DCDC1: variants seen among roughly 807,000 people sequenced by gnomAD.
The protein encoded by DCDC1 is doublecortin domain containing 1.
In DCDC1, 200 loss-of-function variants were observed where a neutral mutation model predicts 178.3. The ratio of observed to expected loss-of-function variants is 1.12; its 90% CI spans 1.00 to 1.26. DCDC1 has a LOEUF of 1.26. DCDC1 is among the 50% of genes most tolerant of loss of function. The pLI is 0.00. For synonymous variants in DCDC1, 690 were observed against 604.8 expected, an observed-to-expected ratio of 1.14 and a Z score of -2.07; for missense variants, 1,983 against 1,749.2, an observed-to-expected ratio of 1.13 and a Z score of -2.38.
At chr11:31,103,187 GC>G (rs1420639660) in intron 14 of DCDC1, among the ~76,000 whole-genome samples, 3 of 152,154 alleles carry the variant, frequency 2.0e-5, no homozygotes, top group African/African-American at 7.2e-5. Context: ...GAAGCAAAAT[GC>G]CTCCTTAGAT....
intron 3 of DCDC1, among the ~76,000 whole-genome samples, chr11:31,311,214 G>A (rs764209853): frequency 2.0e-5 from 3 of 152,178 alleles, no homozygotes; most frequent in Non-Finnish European, 2.9e-5. Context: ...GAACTCTTAT[G>A]TGAGGCAACC....
chr11:31,045,000 G>T (rs1220150946), intron 20 of DCDC1, among the ~76,000 whole-genome samples: 1 of 152,046 alleles, frequency 6.6e-6, no homozygotes, highest in Non-Finnish European at 1.5e-5. Flanking sequence ...TATACTTTTT[G>T]TTCAACCTTG....
chr11:31,087,919 T>C (rs1481919354), intron 17 of DCDC1, among the ~76,000 whole-genome samples: 1 of 152,130 alleles, frequency 6.6e-6, no homozygotes, highest in African/African-American at 2.4e-5. Flanking sequence ...CAGGGTATTA[T>C]TGTTGCTCAC....
intron 36 of DCDC1, among the ~76,000 whole-genome samples, chr11:30,887,484 G>A (rs1215130749): frequency 5.3e-5 from 8 of 152,124 alleles, no homozygotes; most frequent in Non-Finnish European, 1.0e-4. Context: ...TTAACTTTGA[G>A]GTCTAAAGTG....
At chr11:31,363,656 A>C (rs1180149389) in intron 1 of DCDC1, among the ~76,000 whole-genome samples, 1 of 152,200 alleles carries the variant, frequency 6.6e-6, no homozygotes, top group Non-Finnish European at 1.5e-5. Flanking sequence ...AAACATCTTC[A>C]TTATACTCTC....
chr11:31,257,902 T>C (rs546058654), intron 8 of DCDC1, among the ~76,000 whole-genome samples: 1 of 152,270 alleles, frequency 6.6e-6, no homozygotes, highest in East Asian at 1.9e-4. Context: ...AAAGATAAGA[T>C]CTTGGAGAGC....
chr11:31,220,938 C>T (rs1285171838), intron 9 of DCDC1, among the ~76,000 whole-genome samples: 1 of 152,092 alleles, frequency 6.6e-6, no homozygotes, highest in East Asian at 1.9e-4. Flanking sequence ...TCTGGTGCCT[C>T]TTCTGATAAG....
At chr11:30,973,459 T>C (rs566911533) in intron 20 of DCDC1, among the ~76,000 whole-genome samples, 1 of 152,100 alleles carries the variant, frequency 6.6e-6, no homozygotes, top group East Asian at 1.9e-4. Flanking sequence ...ATTAAACCTC[T>C]TTTCTTTACA....
At chr11:31,211,818 C>T (rs1218466735) in intron 9 of DCDC1, among the ~76,000 whole-genome samples, 1 of 152,130 alleles carries the variant, frequency 6.6e-6, no homozygotes, top group Non-Finnish European at 1.5e-5. Context: ...CGCAGTGGCT[C>T]ACACCTGTAA....
rs529733027 is a variant in DCDC1 at position 30,932,082 on chromosome 11, T to C, written c.2716-130A>G. 12 of 744,976 alleles carry C rather than the reference T, an allele frequency of 1.6e-5. No individual in the cohort carries two copies. The African/African-American group carries it at 1.6e-4, about 10-fold the overall frequency. The allele number at this position is 744,976 out of a possible 1,614,324, so 46.1% of individuals were successfully genotyped here. A position where few individuals can be genotyped will look rare whatever the true frequency, so the allele number is the denominator to read the frequency against. Reference sequence around the variant, plus strand: ...TTCAACAAAAATGTATTGGGGTACCTAAGATGCTCCAGACAATTCTAATTA... The same window carrying C: ...TTCAACAAAAATGTATTGGGGTACCCAAGATGCTCCAGACAATTCTAATTA... On this transcript the variant is annotated intron_variant, in intron 21 of 38. Coordinates refer to ENST00000684477, the MANE Select transcript of DCDC1 (RefSeq NM_001387274.1).
At position 30,915,650 on chromosome 11, in the gene DCDC1, C is replaced by T. The variant is rs975009615; in HGVS notation, c.3514G>A (p.Gly1172Arg). The change falls in exon 27 of 39, where the codon GGG (glycine) becomes AGG (arginine). Residue 1172 changes from glycine (G) to arginine (R), a missense_variant. Gly to Arg is a moderately radical substitution (Grantham distance 125). Coordinates refer to ENST00000684477, the MANE Select transcript of DCDC1 (RefSeq NM_001387274.1). ...HCHQQFEYRDGQIISHAAPQL... is the reference protein window; with the variant it reads ...HCHQQFEYRDRQIISHAAPQL... Reference sequence around the variant, plus strand: ...GGAGCAGCATGGCTTATAATCTGCCCATCTCTGTATTCGAACTGCTGATGA... The same window carrying T: ...GGAGCAGCATGGCTTATAATCTGCCTATCTCTGTATTCGAACTGCTGATGA... The T allele has an allele frequency of 6.2e-7, 1 of 1,613,908 alleles. No individual in the cohort carries two copies. The highest frequency in any genetic ancestry group is 8.5e-7 in the Non-Finnish European group (1 of 1,179,854).
At chr11:31,020,830 G>A (rs969835779) in intron 20 of DCDC1, among the ~76,000 whole-genome samples, 20 of 151,928 alleles carry the variant, frequency 1.3e-4, no homozygotes, top group African/African-American at 4.6e-4. Flanking sequence ...AAGTAAACTC[G>A]AAAAAAATTA....
At chr11:31,220,562 T>G (rs892467508) in intron 9 of DCDC1, among the ~76,000 whole-genome samples, 17 of 152,348 alleles carry the variant, frequency 1.1e-4, no homozygotes, top group Non-Finnish European at 2.4e-4. Flanking sequence ...TTTATGTTTG[T>G]TTTTAAAAAT....
chr11:30,894,312 T>C lies in DCDC1; in HGVS notation c.4838A>G (p.Glu1613Gly). The C allele has an allele frequency of 6.2e-7, 1 of 1,613,912 alleles. No individual in the cohort carries two copies. Among genetic ancestry groups the C allele is most frequent in the South Asian group, 1.1e-5 (1 of 91,068 alleles). ...TTGAGTCTGTTCGGTCCAGCCTCCT[T>C]CAACCACCACGGGCTGCACAGGGCT... ...TKSPVQPVVV[E>G]GGWTEQTQQE... The change falls in exon 35 of 39, where the codon GAA becomes GGA. Residue 1613 changes from glutamate to glycine, a missense_variant. Transcript: ENST00000684477.
intron 20 of DCDC1, among the ~76,000 whole-genome samples, chr11:30,971,360 A>C (rs1949766208): frequency 6.6e-6 from 1 of 152,186 alleles, no homozygotes. Flanking sequence ...AGAATTCAAA[A>C]TAATGATACT....
chr11:30,922,381 A>T, intron 24 of DCDC1, 122 bp downstream of exon 24: 1 of 1,187,288 alleles, frequency 8.4e-7, no homozygotes, highest in Non-Finnish European at 1.1e-6. Flanking sequence ...TTAAAGAGTT[A>T]AACAGCAAGA....
chr11:30,873,442 C>A (rs368880646), intron 38 of DCDC1, among the ~76,000 whole-genome samples: 56 of 151,306 alleles, frequency 3.7e-4, no homozygotes, highest in Non-Finnish European at 6.3e-4. Context: ...TCTTTGTATT[C>A]TCTGTTTTCC....
chr11:31,064,869 ATAT>A (rs1784333837), intron 19 of DCDC1, 147 bp downstream of exon 19: 2 of 564,672 alleles, frequency 3.5e-6, no homozygotes, highest in Admixed American at 3.3e-5. Context: ...GTGCATATAG[ATAT>A]TATATTATGT....
intron 7 of DCDC1, 67 bp downstream of exon 7, chr11:31,290,580 C>T (rs1947152452): frequency 9.0e-6 from 13 of 1,438,894 alleles, no homozygotes; most frequent in Non-Finnish European, 1.2e-5. Flanking sequence ...AAGAAGAAAA[C>T]AACACATTTC....
Sources: allele counts gnomAD v4.1 joint callset (sites outside exome capture counted in the v4.1 genomes callset), GRCh38; gene constraint gnomAD v4.1.1; transcripts MANE v1.5; gene names NCBI Gene and HGNC (gene_info 2026-07-23, HGNC 2026-07-21).